NAALADL2: variants seen among roughly 807,000 people sequenced by gnomAD.
NAALADL2 encodes the protein N-acetylated alpha-linked acidic dipeptidase like 2.
A neutral mutation model predicts 87.2 loss-of-function variants in NAALADL2; 76 were observed. The observed-to-expected ratio is 0.87, with a 90% CI of 0.72 to 1.05. The LOEUF (loss-of-function observed/expected upper bound fraction) is 1.05. Among genes scored for constraint, NAALADL2 ranks in the 50% least tolerant of loss-of-function variants. NAALADL2 has a pLI of 0.00. For synonymous variants in NAALADL2, 354 were observed against 331.0 expected, an observed-to-expected ratio of 1.07 and a Z score of -0.75; for missense variants, 1,089 against 945.8, an observed-to-expected ratio of 1.15 and a Z score of -1.99.
At chr3:175,708,328 A>T (rs1240957818) in intron 11 of NAALADL2, among the ~76,000 whole-genome samples, 1 of 152,058 alleles carries the variant, frequency 6.6e-6, no homozygotes, top group Non-Finnish European at 1.5e-5. Flanking sequence ...TGGATTAGAG[A>T]GTGGCAAGAA....
intron 1 of NAALADL2, among the ~76,000 whole-genome samples, chr3:174,979,252 T>C (rs2108643066): frequency 6.6e-6 from 1 of 151,800 alleles, no homozygotes; most frequent in South Asian, 2.1e-4. Flanking sequence ...CTGATCACAG[T>C]ATTGTAATAA....
chr3:174,916,865 TA>T (rs201561148), intron 1 of NAALADL2, among the ~76,000 whole-genome samples: 1,561 of 152,138 alleles, frequency 0.01, 28 homozygotes, highest in African/African-American at 0.036. Flanking sequence ...ACTATTGAAA[TA>T]AAAAATTAAA....
intron 3 of NAALADL2, among the ~76,000 whole-genome samples, chr3:175,248,353 G>T (rs1748391567): frequency 6.6e-6 from 1 of 152,052 alleles, no homozygotes; most frequent in Non-Finnish European, 1.5e-5. Flanking sequence ...AACAGTGCTG[G>T]GTATATAGAA....
chr3:174,893,123 T>G (rs768126325), intron 1 of NAALADL2, among the ~76,000 whole-genome samples: 1 of 152,114 alleles, frequency 6.6e-6, no homozygotes, highest in South Asian at 2.1e-4. Flanking sequence ...GTGGAAACTT[T>G]ACAGGCCAGA....
At chr3:175,274,416 A>G (rs1437326464) in intron 4 of NAALADL2, among the ~76,000 whole-genome samples, 1 of 152,232 alleles carries the variant, frequency 6.6e-6, no homozygotes, top group African/African-American at 2.4e-5. Flanking sequence ...AATACATATT[A>G]CATAGACAGT....
chr3:174,669,751 A>AT (rs1412979258), intron 2 of NAALADL2, among the ~76,000 whole-genome samples: 2 of 151,538 alleles, frequency 1.3e-5, no homozygotes, highest in Non-Finnish European at 2.9e-5. Flanking sequence ...GAATTGTAGG[A>AT]TTTTTTTTCT....
intron 2 of NAALADL2, among the ~76,000 whole-genome samples, chr3:175,207,094 T>C (rs1177101347): frequency 6.6e-6 from 1 of 152,162 alleles, no homozygotes; most frequent in African/African-American, 2.4e-5. Flanking sequence ...GGTTGAATGA[T>C]AGATGTTATA....
At chr3:175,451,703 A>T (rs955787084) in intron 6 of NAALADL2, among the ~76,000 whole-genome samples, 3 of 152,146 alleles carry the variant, frequency 2.0e-5, no homozygotes, top group East Asian at 1.9e-4. Context: ...AATTGTTTAC[A>T]TGTTGCTTAA....
At chr3:175,164,334 T>G (rs906556986) in intron 2 of NAALADL2, among the ~76,000 whole-genome samples, 6 of 151,900 alleles carry the variant, frequency 3.9e-5, no homozygotes, top group Non-Finnish European at 5.9e-5. Context: ...TAAACTTTTA[T>G]TTTGCAGTCT....
At chr3:174,623,278 T>C (rs1051878412) in intron 2 of NAALADL2, among the ~76,000 whole-genome samples, 6 of 152,204 alleles carry the variant, frequency 3.9e-5, no homozygotes, top group African/African-American at 1.2e-4. Flanking sequence ...AGGAAGGGGC[T>C]ACAAAATTAT....
intron 1 of NAALADL2, among the ~76,000 whole-genome samples, chr3:175,025,891 C>G (rs953458385): frequency 3.3e-5 from 5 of 152,114 alleles, no homozygotes; most frequent in African/African-American, 1.2e-4. Context: ...CTCACTGCAG[C>G]CTCCACCTCT....
chr3:175,413,585 T>A (rs200825573), intron 5 of NAALADL2, among the ~76,000 whole-genome samples: 49 of 73,824 alleles, frequency 6.6e-4, no homozygotes, highest in South Asian at 8.6e-4. Context: ...AAAAAAAAAA[T>A]CCCAAACATG....
chr3:175,611,373 T>A (rs1444574850), intron 10 of NAALADL2, among the ~76,000 whole-genome samples: 1 of 152,064 alleles, frequency 6.6e-6, no homozygotes, highest in African/African-American at 2.4e-5. Flanking sequence ...GGTCATAAAT[T>A]TTGTTAAAAG....
intron 1 of NAALADL2, among the ~76,000 whole-genome samples, chr3:174,498,165 T>G (rs1299763119): frequency 6.6e-6 from 1 of 152,010 alleles, no homozygotes; most frequent in African/African-American, 2.4e-5. Flanking sequence ...TCCCCAAGAG[T>G]TTCCTGATGC....
intron 1 of NAALADL2, among the ~76,000 whole-genome samples, chr3:175,075,130 C>A (rs1357457433): frequency 2.6e-5 from 4 of 152,032 alleles, no homozygotes; most frequent in Non-Finnish European, 5.9e-5. Flanking sequence ...TTATTACCAC[C>A]ATTTTTCAGA....
chr3:174,600,172 A>C (rs569177295), intron 2 of NAALADL2, among the ~76,000 whole-genome samples: 1 of 152,252 alleles, frequency 6.6e-6, no homozygotes, highest in South Asian at 2.1e-4. Flanking sequence ...GTGAAACAAG[A>C]AAGTTTCAGT....
At chr3:174,858,243 A>C (rs949491324), upstream of NAALADL2, among the ~76,000 whole-genome samples, 1 of 150,286 alleles carries the variant, frequency 6.7e-6, no homozygotes, top group Non-Finnish European at 1.5e-5. Flanking sequence ...TTTATTTACT[A>C]GTCTAACTAC....
At chr3:175,035,647 G>A (rs1266549809) in intron 1 of NAALADL2, among the ~76,000 whole-genome samples, 1 of 152,038 alleles carries the variant, frequency 6.6e-6, no homozygotes, top group Non-Finnish European at 1.5e-5. Flanking sequence ...TGAAAAAACT[G>A]GAAAAGACTG....
chr3:175,490,008 G>T (rs1031675793), intron 9 of NAALADL2, among the ~76,000 whole-genome samples: 7 of 152,098 alleles, frequency 4.6e-5, no homozygotes, highest in Non-Finnish European at 8.8e-5. Flanking sequence ...AGATTGTCCT[G>T]ACCCTCACTT....
Sources: allele counts gnomAD v4.1 joint callset (sites outside exome capture counted in the v4.1 genomes callset), GRCh38; gene constraint gnomAD v4.1.1; transcripts MANE v1.5; gene names NCBI Gene and HGNC (gene_info 2026-07-23, HGNC 2026-07-21).